The following MARCHF1 variants were observed in gnomAD, a reference collection of about 807,000 sequenced individuals.
MARCHF1 encodes E3 ubiquitin-protein ligase MARCHF1.
Under a neutral mutation model 54.2 loss-of-function variants are expected in MARCHF1, and 40 were observed. That is an observed-to-expected ratio of 0.74 (90% CI 0.57 to 0.96). The LOEUF (loss-of-function observed/expected upper bound fraction) is 0.96, where lower values mean the gene tolerates loss of function less well. MARCHF1 is among the 40% of genes least tolerant of loss of function. MARCHF1 has a pLI of 0.00. For synonymous variants in MARCHF1, 236 were observed against 236.3 expected (o/e 1.00, Z 0.01); for missense variants, 586 against 656.5 (o/e 0.89, Z 1.17).
intron 4 of MARCHF1, among the ~76,000 whole-genome samples, chr4:163,796,770 T>A (rs979350878): frequency 4.6e-5 from 7 of 152,274 alleles, no homozygotes; most frequent in Non-Finnish European, 7.4e-5. Flanking sequence ...ATTAGGCTTA[T>A]TTTTAGTAAT....
intron 5 of MARCHF1, among the ~76,000 whole-genome samples, chr4:163,623,600 C>T (rs1006586533): frequency 3.3e-5 from 5 of 152,118 alleles, no homozygotes; most frequent in African/African-American, 9.7e-5. Context: ...ATAAGAGATC[C>T]ATCTCATTGA....
intron 4 of MARCHF1, among the ~76,000 whole-genome samples, chr4:163,726,833 T>G (rs1745668594): frequency 6.6e-6 from 1 of 152,240 alleles, no homozygotes; most frequent in Admixed American, 6.5e-5. Flanking sequence ...TTGCAATTTC[T>G]TAACGACATG....
intron 2 of MARCHF1, among the ~76,000 whole-genome samples, chr4:164,009,202 C>T (rs564447295): frequency 6.6e-6 from 1 of 151,898 alleles, no homozygotes; most frequent in Non-Finnish European, 1.5e-5. Flanking sequence ...ACTTAGAAAA[C>T]CTAAAATAAA....
chr4:163,881,234 G>C (rs776300105), intron 3 of MARCHF1, among the ~76,000 whole-genome samples: 1 of 152,156 alleles, frequency 6.6e-6, no homozygotes, highest in Non-Finnish European at 1.5e-5. Flanking sequence ...CAGCACTTTG[G>C]GAGGCCGAGG....
At chr4:163,718,391 T>G (rs28691011) in intron 4 of MARCHF1, among the ~76,000 whole-genome samples, 3,742 of 152,264 alleles carry the variant, frequency 0.025, 156 homozygotes, top group African/African-American at 0.084. Flanking sequence ...AGAAAATTTT[T>G]GCAATCTACG....
chr4:164,034,289 C>A (rs917860866), intron 2 of MARCHF1, among the ~76,000 whole-genome samples: 1 of 152,072 alleles, frequency 6.6e-6, no homozygotes, highest in African/African-American at 2.4e-5. Context: ...GATGAAAACA[C>A]ATGGACACAG....
chr4:163,601,401 C>CTT (rs35012983), intron 7 of MARCHF1, among the ~76,000 whole-genome samples: 5 of 149,530 alleles, frequency 3.3e-5, no homozygotes, highest in African/African-American at 1.2e-4. Context: ...GAAAGTGTTG[C>CTT]TTTTTTTTTT....
chr4:164,068,320 C>A (rs866364224), intron 2 of MARCHF1, among the ~76,000 whole-genome samples: 1 of 152,152 alleles, frequency 6.6e-6, no homozygotes, highest in Non-Finnish European at 1.5e-5. Flanking sequence ...TTCAGCCCAC[C>A]GCTACACTGT....
chr4:163,803,181 T>C (rs908957899), intron 4 of MARCHF1, among the ~76,000 whole-genome samples: 2 of 152,170 alleles, frequency 1.3e-5, no homozygotes, highest in African/African-American at 2.4e-5. Flanking sequence ...TTATTATTAA[T>C]TGTTTTTTTG....
intron 4 of MARCHF1, among the ~76,000 whole-genome samples, chr4:163,724,712 C>A (rs1022115777): frequency 6.6e-6 from 1 of 152,180 alleles, no homozygotes; most frequent in Non-Finnish European, 1.5e-5. Flanking sequence ...CCATGGTGGG[C>A]GCCCCTCCCT....
chr4:163,537,504 T>G (rs970681974), intron 9 of MARCHF1, among the ~76,000 whole-genome samples: 4 of 152,128 alleles, frequency 2.6e-5, no homozygotes, highest in Admixed American at 2.6e-4. Flanking sequence ...CGCAGAGGAA[T>G]TTGGAAAATC....
chr4:163,979,798 T>C (rs1351896985), intron 3 of MARCHF1, among the ~76,000 whole-genome samples: 3 of 152,240 alleles, frequency 2.0e-5, no homozygotes, highest in African/African-American at 7.2e-5. Context: ...TTTCATGTGT[T>C]TTTTGGCTGC....
intron 1 of MARCHF1, among the ~76,000 whole-genome samples, chr4:164,241,780 C>T (rs903137326): frequency 3.9e-5 from 6 of 151,978 alleles, no homozygotes; most frequent in African/African-American, 9.7e-5. Context: ...GCACAGTGCG[C>T]GAGCCGAAGC....
intron 2 of MARCHF1, among the ~76,000 whole-genome samples, chr4:164,017,039 T>C (rs1753558174): frequency 6.6e-6 from 1 of 152,108 alleles, no homozygotes; most frequent in Non-Finnish European, 1.5e-5. Flanking sequence ...TAACAATACT[T>C]GAAAATCATA....
chr4:164,316,607 AGAGT>A (rs1237815092), intron 1 of MARCHF1, among the ~76,000 whole-genome samples: 9 of 152,230 alleles, frequency 5.9e-5, no homozygotes, highest in African/African-American at 2.2e-4. Context: ...CACTCCTAAA[AGAGT>A]GAGGTACCAA....
intron 3 of MARCHF1, among the ~76,000 whole-genome samples, chr4:163,952,019 A>T (rs1752142975): frequency 6.6e-6 from 1 of 152,212 alleles, no homozygotes; most frequent in African/African-American, 2.4e-5. Context: ...CATTTCTTAA[A>T]TGTTGAGAAG....
Position 163,812,800 on chromosome 4 carries a change from C to T in MARCHF1, c.111+41221G>A, listed in dbSNP as rs574574365. On this transcript the variant is annotated intron_variant, in intron 4 of 9. Coordinates refer to ENST00000514618, the MANE Select transcript of MARCHF1 (RefSeq NM_001394959.1). ...CAAAAAACAAACCAAAAAACCTAAA[C>T]TTTTGAAACCAAATGAGCTTTGGAA... Among the ~76,000 whole-genome samples the T allele has an allele frequency of 2.0e-5, 3 of 152,182 alleles. No homozygotes were observed. In the East Asian group the frequency reaches 5.8e-4, roughly 29 times the overall value.
chr4:163,666,676 C>A (rs563216726), intron 5 of MARCHF1, among the ~76,000 whole-genome samples: 1 of 151,982 alleles, frequency 6.6e-6, no homozygotes, highest in South Asian at 2.1e-4. Flanking sequence ...TAGGATCAGA[C>A]AGAAGATGTC....
chr4:163,724,087 G>A (rs910640170), intron 4 of MARCHF1, among the ~76,000 whole-genome samples: 1 of 152,168 alleles, frequency 6.6e-6, no homozygotes, highest in Non-Finnish European at 1.5e-5. Context: ...TCCTTTGGAG[G>A]GGGAGAGGTA....
Sources: allele counts gnomAD v4.1 joint callset (sites outside exome capture counted in the v4.1 genomes callset), GRCh38; gene constraint gnomAD v4.1.1; transcripts MANE v1.5; gene names NCBI Gene and HGNC (gene_info 2026-07-23, HGNC 2026-07-21).